The following CEP152 variants were observed in gnomAD, a reference collection of about 807,000 sequenced individuals.
CEP152 encodes centrosomal protein 152.
Under a neutral mutation model 188.9 loss-of-function variants are expected in CEP152, and 132 were observed. That is an observed-to-expected ratio of 0.70 (90% CI 0.61 to 0.81). The LOEUF is 0.81. Ranked by LOEUF, CEP152 falls within the 30% of genes least tolerant of loss-of-function variation. The pLI, the probability that CEP152 is intolerant of heterozygous loss-of-function variation, is 0.00. For missense variants in CEP152, 1,914 were observed against 1,969.8 expected, an observed-to-expected ratio of 0.97 and a Z score of 0.54; for synonymous variants, 649 against 666.6, an observed-to-expected ratio of 0.97 and a Z score of 0.41.
intron 13 of CEP152, 62 bp from the exon 14 acceptor site, chr15:48,769,143 TACTTCCATACTTTAAAAAA>T: frequency 4.4e-6 from 6 of 1,356,598 alleles, no homozygotes; most frequent in Non-Finnish European, 6.2e-6. Context: ...CACTTTGAAA[TACTTCCATACTTTAAAAAA>T]ATTGCAAACA....
chr15:48,737,742 A>T (rs1179615989), downstream of CEP152, among the ~76,000 whole-genome samples: 2 of 152,228 alleles, frequency 1.3e-5, no homozygotes, highest in African/African-American at 2.4e-5. Flanking sequence ...AAAGATCAAA[A>T]TTTTGAGTAG....
At chr15:48,790,813 C>T (rs1896945046) in intron 8 of CEP152, among the ~76,000 whole-genome samples, 2 of 152,226 alleles carry the variant, frequency 1.3e-5, no homozygotes, top group Admixed American at 1.3e-4. Context: ...GGTGATTCGA[C>T]CGCCTCGGCT....
rs547739888 is a variant in CEP152 at position 48,782,023 on chromosome 15, G to T, written c.1413+116C>A. On this transcript the variant is annotated intron_variant, in intron 11 of 26. Transcript: ENST00000380950. ...GATGGTGAACAACTCCCATGGGCTG[G>T]TTTGAAGGTGGTCCAACCACCTCTA... The T allele has an allele frequency of 2.2e-5, 19 of 874,536 alleles. No individual in the cohort carries two copies. In the East Asian group the frequency reaches 2.4e-4, roughly 11 times the overall value. The allele number at this position is 874,536 out of a possible 1,614,324, so 54.2% of individuals were successfully genotyped here. A position where few individuals can be genotyped will look rare whatever the true frequency, so the allele number is the denominator to read the frequency against.
intron 17 of CEP152, among the ~76,000 whole-genome samples, chr15:48,765,056 C>T (rs4774522): frequency 0.32 from 48,419 of 151,534 alleles, 10,503 homozygotes; most frequent in East Asian, 0.63. Flanking sequence ...AGACAGTCTC[C>T]TAAATATAAA....
In CEP152 at chr15:48,739,099, T is replaced by TAGAG; in HGVS notation, c.4282_4283insCTCT (p.His1428ProfsTer23). 2 of 1,614,236 alleles carry TAGAG rather than the reference T, an allele frequency of 1.2e-6. No homozygotes were observed. Among genetic ancestry groups the TAGAG allele is most frequent in the Non-Finnish European group, 1.7e-6 (2 of 1,180,024 alleles). On this transcript the variant is annotated frameshift_variant, in exon 27 of 27. Coordinates refer to ENST00000380950, the MANE Select transcript of CEP152 (RefSeq NM_001194998.2). LOFTEE classifies it low-confidence loss of function (END_TRUNC). ...GGATCCCACATGCTTTATGCTCTGA[T>TAGAG]GCTCTGAGTTCTCTAACAGCCTTTG...
intron 2 of CEP152, chr15:48,729,524 G>C (rs946260348): frequency 6.6e-6 from 1 of 152,138 alleles, no homozygotes; most frequent in Non-Finnish European, 1.5e-5. Flanking sequence ...CTGGGTGACA[G>C]AGCAAGATCC....
intron 20 of CEP152, among the ~76,000 whole-genome samples, chr15:48,753,740 T>A (rs891962730): frequency 6.6e-6 from 1 of 152,166 alleles, no homozygotes; most frequent in African/African-American, 2.4e-5. Flanking sequence ...ACAACATACA[T>A]CCTTAAGTTT....
chr15:48,767,650 TTTTC>T (rs1895224600), intron 15 of CEP152, among the ~76,000 whole-genome samples, 187 bp from the exon 16 acceptor site: 1 of 152,218 alleles, frequency 6.6e-6, no homozygotes, highest in African/African-American at 2.4e-5. Context: ...ATCTTCAAAA[TTTTC>T]TTTCTTCAAA....
intron 9 of CEP152, among the ~76,000 whole-genome samples, chr15:48,785,306 C>T (rs1896551943): frequency 1.3e-5 from 2 of 152,064 alleles, no homozygotes; most frequent in African/African-American, 4.8e-5. Flanking sequence ...GCTGTGTTTG[C>T]TTTAAATTTT....
intron 23 of CEP152, 38 bp from the exon 24 acceptor site, chr15:48,744,381 T>C (rs780594910): frequency 6.0e-5 from 96 of 1,612,506 alleles, no homozygotes; most frequent in Non-Finnish European, 8.1e-5. Context: ...ACAGAAATGG[T>C]AAGTGAAAAA....
chr15:48,735,544 T>G (rs995200471), downstream of CEP152, among the ~76,000 whole-genome samples: 4 of 152,008 alleles, frequency 2.6e-5, no homozygotes, highest in Non-Finnish European at 5.9e-5. Flanking sequence ...AGAACAGCCT[T>G]GCCAATATGG....
intron 2 of CEP152, among the ~76,000 whole-genome samples, chr15:48,802,608 C>T (rs560399346): frequency 1.6e-4 from 25 of 151,990 alleles, no homozygotes; most frequent in African/African-American, 3.4e-4. Flanking sequence ...CATTATAGGA[C>T]GTTTCTAAAA....
chr15:48,802,491 G>C (rs932054906), intron 2 of CEP152, among the ~76,000 whole-genome samples: 1 of 152,204 alleles, frequency 6.6e-6, no homozygotes, highest in African/African-American at 2.4e-5. Context: ...TTGAAACACT[G>C]TGAGAAGCTG....
intron 20 of CEP152, among the ~76,000 whole-genome samples, chr15:48,753,349 T>C (rs2140649412): frequency 6.6e-6 from 1 of 152,204 alleles, no homozygotes; most frequent in East Asian, 1.9e-4. Context: ...TTTATGGTAA[T>C]GTTTTCAGAT....
chr15:48,768,090 G>A, intron 15 of CEP152, 129 bp downstream of exon 15: 1 of 685,330 alleles, frequency 1.5e-6, no homozygotes, highest in East Asian at 2.7e-5. Flanking sequence ...ACTCATCTCT[G>A]CCAATCCAAG....
chr15:48,792,178 G>A (rs529441266), intron 7 of CEP152, among the ~76,000 whole-genome samples: 1 of 152,170 alleles, frequency 6.6e-6, no homozygotes, highest in African/African-American at 2.4e-5. Context: ...TTTTAGTAGA[G>A]ATGGGGTTTC....
intron 18 of CEP152, 42 bp from the exon 19 acceptor site, chr15:48,760,308 A>G (rs749007883): frequency 1.2e-6 from 2 of 1,611,110 alleles, no homozygotes; most frequent in Admixed American, 3.3e-5. Flanking sequence ...GGAAGTATAA[A>G]ACTTAAAAAA....
intron 2 of CEP152, among the ~76,000 whole-genome samples, chr15:48,801,287 C>A (rs1476895104): frequency 1.3e-5 from 2 of 152,194 alleles, no homozygotes; most frequent in Non-Finnish European, 2.9e-5. Flanking sequence ...CAAAATGCTT[C>A]CGCAATTACA....
chr15:48,772,476 G>A lies in CEP152; in HGVS notation c.1782+11C>T. On this transcript the variant is annotated intron_variant, in intron 13 of 26. Coordinates refer to ENST00000380950, the MANE Select transcript of CEP152 (RefSeq NM_001194998.2). Reference sequence around the variant, plus strand: ...TAAAAATGGTTTTTTAACTCTATAGGCTTTACATACCTCAACCTCAATGCT... The same window carrying A: ...TAAAAATGGTTTTTTAACTCTATAGACTTTACATACCTCAACCTCAATGCT... The A allele has an allele frequency of 6.2e-7, 1 of 1,606,430 alleles. No homozygotes were observed. Among genetic ancestry groups the A allele is most frequent in the Admixed American group, 1.7e-5 (1 of 59,994 alleles).
Sources: gnomAD v4.1 joint callset for allele counts (sites outside exome capture counted in the v4.1 genomes callset) on GRCh38, gnomAD v4.1.1 for gene constraint, MANE v1.5 for transcripts, NCBI Gene and HGNC (gene_info 2026-07-23, HGNC 2026-07-21) for gene names.